Variants in SAFB2 observed in about 807,000 individuals in gnomAD.
SAFB2 encodes the protein scaffold attachment factor B2.
Under a neutral mutation model 100.6 loss-of-function variants are expected in SAFB2, and 32 were observed. The ratio of observed to expected loss-of-function variants is 0.32; its 90% CI spans 0.24 to 0.43. The LOEUF is 0.43. Ranked by LOEUF, SAFB2 falls within the 20% of genes least tolerant of loss-of-function variation. The pLI is 1.00. For synonymous variants in SAFB2, 500 were observed against 439.4 expected, an observed-to-expected ratio of 1.14 and a Z score of -1.72; for missense variants, 1,185 against 1,163.4, an observed-to-expected ratio of 1.02 and a Z score of -0.27.
At chr19:5,593,200 ATTC>A (rs1235566490) in intron 15 of SAFB2, among the ~76,000 whole-genome samples, 1 of 152,166 alleles carries the variant, frequency 6.6e-6, no homozygotes, top group Non-Finnish European at 1.5e-5. Context: ...GAAATATTTG[ATTC>A]TTCTGGAATA....
rs1438280781 is a variant in SAFB2, at chr19:5,616,838, G to C, written c.275-352C>G. Among the ~76,000 whole-genome samples the C allele has an allele frequency of 2.0e-5, 3 of 151,768 alleles. No homozygotes were observed. In the East Asian group the frequency reaches 5.8e-4, roughly 29 times the overall value. On this transcript the variant is annotated intron_variant, in intron 2 of 20. Transcript: ENST00000252542. ...AGCTTATTTTTGTATTTTTAGTAGA[G>C]ATGGGGTTTCACCATATTGGCCAGG...
intron 2 of SAFB2, among the ~76,000 whole-genome samples, chr19:5,618,230 C>T (rs147319014): frequency 7.2e-5 from 11 of 152,154 alleles, no homozygotes; most frequent in African/African-American, 2.7e-4. Flanking sequence ...GACGTGGTGG[C>T]GGGCGCCTGT....
rs377168029 is a variant in SAFB2 at position 5,591,851 on chromosome 19, G to A, written c.2349-58C>T. On this transcript the variant is annotated intron_variant, in intron 16 of 20. Coordinates refer to ENST00000252542, the MANE Select transcript of SAFB2 (RefSeq NM_014649.3). Reference sequence around the variant, plus strand: ...CCAGGCACGACTACACATTTCTGCAGGTCAGGCAAGTTTCGCGACTGGGAT... The same window carrying A: ...CCAGGCACGACTACACATTTCTGCAAGTCAGGCAAGTTTCGCGACTGGGAT... 7.2e-4 allele frequency: 1,125 copies of A among 1,569,958 alleles called. 3 individuals are homozygous for A. Among genetic ancestry groups the A allele is most frequent in the Middle Eastern group, 2.5e-3 (15 of 5,958 alleles).
Position 5,616,432 on chromosome 19 carries a change from C to T in SAFB2, c.329G>A (p.Arg110Lys), listed in dbSNP as rs1434434168. The T allele has an allele frequency of 1.2e-6, 2 of 1,613,988 alleles. No homozygotes were observed. Among genetic ancestry groups the T allele is most frequent in the African/African-American group, 2.7e-5 (2 of 74,896 alleles). The change falls in exon 3 of 21, where the codon AGA (arginine) becomes AAA (lysine). Residue 110 changes from arginine to lysine, a missense_variant. By Grantham distance (26) the Arg-to-Lys change is conservative (BLOSUM62 2). Coordinates refer to ENST00000252542, the MANE Select transcript of SAFB2 (RefSeq NM_014649.3). ...CCTGACATCACTTACCTGCCCGTCT[C>T]TGGAATCGTCTTCCAGGCCATTATC... ...TEDNGLEDDSRDGQEDMEASL... is the reference protein window; with the variant it reads ...TEDNGLEDDSKDGQEDMEASL...
intron 13 of SAFB2, among the ~76,000 whole-genome samples, chr19:5,598,126 C>T (rs2052570524): frequency 7.2e-6 from 1 of 139,034 alleles, no homozygotes. Flanking sequence ...CACAGCAAGA[C>T]TCCATCTCAA....
intron 12 of SAFB2, 117 bp from the exon 13 acceptor site, chr19:5,599,001 G>T: frequency 1.2e-6 from 1 of 841,202 alleles, no homozygotes; most frequent in Non-Finnish European, 1.9e-6. Context: ...TCAAGTGACT[G>T]ACACTAGCCT....
At chr19:5,604,187 A>G (rs1453036773) in intron 11 of SAFB2, among the ~76,000 whole-genome samples, 1 of 152,176 alleles carries the variant, frequency 6.6e-6, no homozygotes, top group Non-Finnish European at 1.5e-5. Flanking sequence ...AAGGCGGGCA[A>G]ATCATGTGAA....
rs368484332 is a variant in SAFB2 at position 5,610,709 on chromosome 19, T to C, written c.1146-21A>G. On this transcript the variant is annotated intron_variant, in intron 7 of 20. Transcript: ENST00000252542. ...AAGAGCTAGAGACAAAAGTTAATGTTACTCATACAGGAAAAAAACGAAAGA... is the reference window on the plus strand; with the variant it reads ...AAGAGCTAGAGACAAAAGTTAATGTCACTCATACAGGAAAAAAACGAAAGA... The C allele has an allele frequency of 8.7e-5, 129 of 1,488,032 alleles. No homozygotes were observed. In the African/African-American group the frequency reaches 1.7e-3, roughly 19 times the overall value. 92.2% of individuals were successfully genotyped at this position (1,488,032 alleles called of 1,614,324 possible).
In SAFB2 at chr19:5,590,731, G is replaced by A. The variant is rs142782857; in HGVS notation, c.2395-323C>T. On this transcript the variant is annotated intron_variant, in intron 17 of 20. Transcript: ENST00000252542. ...CCCTGTCTTCCCTGAGAAGTTGGGC[G>A]CCGCCTCCTTTCCGATAACAGGAGG... Among the ~76,000 whole-genome samples the A allele has an allele frequency of 2.4e-3, 359 of 152,288 alleles. 2 individuals are homozygous for A. Among genetic ancestry groups the A allele is most frequent in the African/African-American group, 8.3e-3 (346 of 41,556 alleles).
chr19:5,617,342 C>T lies in SAFB2; in HGVS notation c.275-856G>A, dbSNP rs138692936. 3.9e-3 allele frequency among the ~76,000 whole-genome samples: 590 copies of T among 151,910 alleles called. 5 individuals are homozygous for T. The highest frequency in any genetic ancestry group is 6.0e-3 in the Non-Finnish European group (411 of 67,974). ...AGAATCATCCTGGGTTTTGTGACCACAAAATAACTATTTGATAGAATTCTG... is the reference window on the plus strand; with the variant it reads ...AGAATCATCCTGGGTTTTGTGACCATAAAATAACTATTTGATAGAATTCTG... On this transcript the variant is annotated intron_variant, in intron 2 of 20. Coordinates refer to ENST00000252542, the MANE Select transcript of SAFB2 (RefSeq NM_014649.3).
At chr19:5,604,088 G>A (rs1363154943) in intron 11 of SAFB2, among the ~76,000 whole-genome samples, 1 of 152,168 alleles carries the variant, frequency 6.6e-6, no homozygotes, top group Non-Finnish European at 1.5e-5. Flanking sequence ...TAAAGACATG[G>A]GCTACTTCGT....
intron 17 of SAFB2, chr19:5,591,505 C>T (rs2052403308): frequency 2.3e-6 from 1 of 441,314 alleles, no homozygotes; most frequent in Non-Finnish European, 4.1e-6. Flanking sequence ...GTCTTGAACT[C>T]CTGACCTTGT....
intron 2 of SAFB2, among the ~76,000 whole-genome samples, chr19:5,619,163 G>A (rs760362183): frequency 6.6e-6 from 1 of 152,138 alleles, no homozygotes; most frequent in Non-Finnish European, 1.5e-5. Context: ...GGCCCTAACT[G>A]CAACCACAAA....
intron 4 of SAFB2, among the ~76,000 whole-genome samples, chr19:5,614,861 T>C (rs774859463): frequency 1.3e-5 from 2 of 152,236 alleles, no homozygotes; most frequent in Non-Finnish European, 2.9e-5. Context: ...GCAGGGTTGA[T>C]ACTTGTCTTC....
chr19:5,596,880 T>G (rs773472917), intron 13 of SAFB2, among the ~76,000 whole-genome samples: 25 of 151,876 alleles, frequency 1.6e-4, no homozygotes, highest in African/African-American at 6.1e-4. Flanking sequence ...TTAGCCCCCA[T>G]AGGAGAGAAA....
chr19:5,596,124 G>A (rs754716354), intron 13 of SAFB2, among the ~76,000 whole-genome samples: 44 of 152,204 alleles, frequency 2.9e-4, no homozygotes, highest in Non-Finnish European at 6.0e-4. Flanking sequence ...TTAGCTAGGC[G>A]TGGTGGCGCA....
Position 5,587,752 on chromosome 19 carries a change from A to G in SAFB2, c.2654T>C (p.Leu885Pro), listed in dbSNP as rs754081273. ...GTGCCCCGGCCCCGAGGGCCCAGAC[A>G]GGCCCCTCTCGCCACCTAGAAGAGA... ...HARWQGGERG[L>P]SGPSGPGHMA... Residue 885 changes from leucine to proline, a missense_variant, in exon 20 of 21, where the codon CTG becomes CCG. Leu to Pro is a moderately conservative substitution (Grantham distance 98). Around this residue, in one of 3 missense-constraint regions of SAFB2, gnomAD observed 740 missense variants for 687.1 expected, o/e 1.08. Transcript: ENST00000252542. The surrounding 1 kb of genome is among the most constrained non-coding windows in gnomAD (Gnocchi z 4.9). 9.7e-6 allele frequency: 15 copies of G among 1,552,430 alleles called. No individual in the cohort carries two copies. The South Asian group carries it at 1.8e-4, about 18-fold the overall frequency.
chr19:5,604,215 A>T (rs1346868799), intron 11 of SAFB2, among the ~76,000 whole-genome samples: 1 of 152,204 alleles, frequency 6.6e-6, no homozygotes, highest in African/African-American at 2.4e-5. Flanking sequence ...GTTTGAGACC[A>T]GCCTTGGTAA....
chr19:5,612,305 A>G (rs947901224), intron 6 of SAFB2: 12 of 564,332 alleles, frequency 2.1e-5, no homozygotes, highest in African/African-American at 1.5e-4. Flanking sequence ...GTGGTTAGAC[A>G]TGAAAAGAAT....
Sources: allele counts gnomAD v4.1 joint callset (sites outside exome capture counted in the v4.1 genomes callset), GRCh38; gene constraint gnomAD v4.1.1; regional missense constraint gnomAD v4.1.1; non-coding constraint Gnocchi (gnomAD v3.1); transcripts MANE v1.5; gene names NCBI Gene and HGNC (gene_info 2026-07-23, HGNC 2026-07-21).